Variants in PIEZO1 observed in about 807,000 individuals in gnomAD.
PIEZO1 encodes piezo type mechanosensitive ion channel component 1 (Er blood group), also known as piezo-type mechanosensitive ion channel component 1.
In PIEZO1, 296 loss-of-function variants were observed where a neutral mutation model predicts 297.2. The observed-to-expected ratio is 1.00, with a 90% CI of 0.91 to 1.10. PIEZO1 has a LOEUF of 1.10. Ranked by LOEUF, PIEZO1 falls within the 50% of genes least tolerant of loss-of-function variation. PIEZO1 has a pLI of 0.00. For synonymous variants in PIEZO1, 2,427 were observed against 1,507.5 expected (o/e 1.61, Z -14.13); for missense variants, 5,018 against 3,455.5 (o/e 1.45, Z -11.34).
intron 4 of PIEZO1, 174 bp downstream of exon 4, chr16:88,741,879 A>G (rs8045899): frequency 0.15 from 3,938 of 25,642 alleles, 153 homozygotes; most frequent in African/African-American, 0.27. Flanking sequence ...GGTGCGGGTG[A>G]GAGTGTGGAT....
intron 2 of PIEZO1, among the ~76,000 whole-genome samples, chr16:88,747,762 A>G (rs1906140598): frequency 6.6e-6 from 1 of 152,164 alleles, no homozygotes; most frequent in African/African-American, 2.4e-5. Context: ...ACCTTAAACC[A>G]GGGAAGTCGG....
rs1176732885 is a variant in PIEZO1 at position 88,743,605 on chromosome 16, A to G, written c.161-1183T>C. The G allele has an allele frequency of 3.3e-5, 15 of 456,488 alleles. No individual in the cohort carries two copies. The East Asian group carries it at 9.0e-4, about 27-fold the overall frequency. The allele number at this position is 456,488 out of a possible 1,614,324, so 28.3% of individuals were successfully genotyped here. A position where few individuals can be genotyped will look rare whatever the true frequency, so the allele number is the denominator to read the frequency against. On this transcript the variant is annotated intron_variant, in intron 2 of 50. Transcript: ENST00000301015. ...CACTCTGTTCAGTTTTTTGAGCACA[A>G]ATGGTGTTAGGTGACAGACTCGGGA... is the stretch of plus-strand genomic sequence containing the variant.
At chr16:88,754,486 C>T (rs1333258543) in intron 1 of PIEZO1, among the ~76,000 whole-genome samples, 3 of 152,330 alleles carry the variant, frequency 2.0e-5, no homozygotes, top group South Asian at 2.1e-4. Context: ...AGCTGACCCA[C>T]GCCCGGGTGG....
Position 88,717,099 on chromosome 16 carries a change from GA to G in PIEZO1, c.6583del (p.Ser2195ArgfsTer20), listed in dbSNP as rs750620829. 7.1e-6 allele frequency: 11 copies of G among 1,551,178 alleles called. No individual in the cohort carries two copies. The highest frequency in any genetic ancestry group is 9.6e-6 in the Non-Finnish European group (11 of 1,147,136). On this transcript the variant is annotated frameshift_variant, in exon 45 of 51. Coordinates refer to ENST00000301015, the MANE Select transcript of PIEZO1 (RefSeq NM_001142864.4). LOFTEE classifies it high-confidence loss of function. ...AACCCCAACCACGGAGCGCACCAGC[GA>G]CATGAAGAGCAGTGGGAACCAGATG... ...AIIWFPLLFM[S>X]LVRSVVGVVN...
chr16:88,718,587 G>C (rs1029895905), intron 44 of PIEZO1: 2 of 152,272 alleles, frequency 1.3e-5, no homozygotes, highest in Non-Finnish European at 2.9e-5. Flanking sequence ...GACAAACGCT[G>C]TCTGAGCCTG....
intron 5 of PIEZO1, chr16:88,741,158 C>A: frequency 4.6e-6 from 1 of 215,936 alleles, no homozygotes; most frequent in Non-Finnish European, 9.2e-6. Context: ...TCCAGCCAGA[C>A]CCACTGCCCA....
At chr16:88,783,513 G>T (rs1402031637) in intron 1 of PIEZO1, among the ~76,000 whole-genome samples, 1 of 152,206 alleles carries the variant, frequency 6.6e-6, no homozygotes, top group African/African-American at 2.4e-5. Flanking sequence ...AGTGTGAACG[G>T]GACGTTTCAG....
rs1478326541 is a variant in PIEZO1 at position 88,719,866 on chromosome 16, T to G, written c.6259A>C (p.Thr2087Pro). ...SAYQIRCGYP[T>P]RILGNFLTKK... ...GTGAGGAAGTTGCCGAGGATGCGGG[T>G]GGGGTAGCCGCAGCGGATCTGGTAG... is the stretch of plus-strand genomic sequence containing the variant. The change falls in exon 43 of 51, where the codon ACC (threonine) becomes CCC (proline). Residue 2087 changes from threonine (T) to proline (P), a missense_variant. Physicochemically the swap from Thr to Pro is conservative, Grantham distance 38. Coordinates refer to ENST00000301015, the MANE Select transcript of PIEZO1 (RefSeq NM_001142864.4). The G allele has an allele frequency of 8.4e-6, 13 of 1,550,308 alleles. No individual in the cohort carries two copies. The highest frequency in any genetic ancestry group is 1.1e-5 in the Non-Finnish European group (13 of 1,146,938).
In PIEZO1 at chr16:88,731,715, G is replaced by C. The variant is rs778993785; in HGVS notation, c.3187C>G (p.Leu1063Val). The change falls in exon 22 of 51, where the codon CTG becomes GTG. Residue 1063 changes from leucine to valine, a missense_variant. Leu to Val is a conservative substitution (Grantham distance 32). Transcript: ENST00000301015. ...GCCACGTGCCCCTCACCAATGCACA[G>C]GGCCGGGGGCATCCCCAGGCACAGC... Reference protein sequence around the residue: ...YLLCLGMPPALCIDYPWRWSR... With the variant: ...YLLCLGMPPAVCIDYPWRWSR... The C allele has an allele frequency of 1.3e-6, 2 of 1,549,584 alleles. No individual in the cohort carries two copies. The highest frequency in any genetic ancestry group is 1.2e-5 in the South Asian group (1 of 84,030).
intron 1 of PIEZO1, among the ~76,000 whole-genome samples, chr16:88,762,537 C>T (rs941201206): frequency 6.6e-6 from 1 of 152,200 alleles, no homozygotes; most frequent in African/African-American, 2.4e-5. Flanking sequence ...CCCAGCCAAG[C>T]GGCCAACCCT....
chr16:88,745,269 AG>A (rs539611627), intron 2 of PIEZO1: 69 of 152,328 alleles, frequency 4.5e-4, no homozygotes, highest in African/African-American at 1.6e-3. Flanking sequence ...ATCCTGGGAA[AG>A]GGAGTGAGAG....
At chr16:88,747,999 A>T (rs973810177) in intron 2 of PIEZO1, among the ~76,000 whole-genome samples, 2 of 152,204 alleles carry the variant, frequency 1.3e-5, no homozygotes, top group African/African-American at 2.4e-5. Flanking sequence ...GTAGCCATGG[A>T]CAGGCCCCGA....
At chr16:88,758,374 G>C (rs1396685510) in intron 1 of PIEZO1, among the ~76,000 whole-genome samples, 7 of 152,200 alleles carry the variant, frequency 4.6e-5, no homozygotes. Flanking sequence ...GCAGTGGCCT[G>C]GCCTGGGGGC....
intron 2 of PIEZO1, among the ~76,000 whole-genome samples, chr16:88,745,957 C>T (rs1474013128): frequency 1.3e-5 from 2 of 152,208 alleles, no homozygotes; most frequent in Admixed American, 6.5e-5. Context: ...ATGCGTGGTC[C>T]ATAGCCACCA....
intron 30 of PIEZO1, 39 bp from the exon 31 acceptor site, chr16:88,724,010 G>T: frequency 7.9e-7 from 1 of 1,260,390 alleles, no homozygotes; most frequent in Non-Finnish European, 1.1e-6. Context: ...CTTCCATGCA[G>T]GGAGACTCCC....
chr16:88,732,349 T>C lies in PIEZO1; in HGVS notation c.2977A>G (p.Lys993Glu), dbSNP rs1213838771. 3 of 1,549,218 alleles carry C rather than the reference T, an allele frequency of 1.9e-6. No homozygotes were observed. Among genetic ancestry groups the C allele is most frequent in the African/African-American group, 2.7e-5 (2 of 72,984 alleles). ...LKYFINFFFYKFGLEICFLMA... is the reference protein window; with the variant it reads ...LKYFINFFFYEFGLEICFLMA... ...CCTTGCCTCACCTCCAGCCCGAATT[T>C]GTAGAAGAAGAAGTTGATGAAGTAC... Residue 993 changes from lysine to glutamate, a missense_variant, in exon 21 of 51, where the codon AAA (lysine) becomes GAA (glutamate). By Grantham distance (56) the Lys-to-Glu change is moderately conservative (BLOSUM62 1). Transcript: ENST00000301015.
chr16:88,732,396 T>C lies in PIEZO1; in HGVS notation c.2930A>G (p.Gln977Arg). ...FASGTRQQLD[Q>R]DLLGCLKYFI... Reference sequence around the variant, plus strand: ...GTACTTGAGGCAGCCGAGCAGATCCTGGTCCAGCTGCTGGCGGGTGCCGCT... The same window carrying C: ...GTACTTGAGGCAGCCGAGCAGATCCCGGTCCAGCTGCTGGCGGGTGCCGCT... Residue 977 changes from glutamine (Q) to arginine (R), a missense_variant, in exon 21 of 51, where the codon CAG (glutamine) becomes CGG (arginine). By Grantham distance (43) the Gln-to-Arg change is conservative (BLOSUM62 1). Coordinates refer to ENST00000301015, the MANE Select transcript of PIEZO1 (RefSeq NM_001142864.4). 6.5e-7 allele frequency: 1 copy of C among 1,549,832 alleles called. No individual in the cohort carries two copies.
At chr16:88,724,983 GC>G in intron 30 of PIEZO1, 25 bp downstream of exon 30, 2 of 1,412,990 alleles carry the variant, frequency 1.4e-6, no homozygotes, top group Non-Finnish European at 1.9e-6. Flanking sequence ...TGAGAGGGTG[GC>G]CACAGGCGGC....
At chr16:88,741,416 A>G (rs1157907655) in intron 5 of PIEZO1, 62 bp downstream of exon 5, 6 of 1,385,866 alleles carry the variant, frequency 4.3e-6, no homozygotes, top group Non-Finnish European at 5.8e-6. Flanking sequence ...AACCCTCAAA[A>G]TGGCTGAGAC....
Sources: gnomAD v4.1 joint callset for allele counts (sites outside exome capture counted in the v4.1 genomes callset) on GRCh38, gnomAD v4.1.1 for gene constraint, MANE v1.5 for transcripts, NCBI Gene and HGNC (gene_info 2026-07-23, HGNC 2026-07-21) for gene names.